The following TRHDE variants were observed in gnomAD, a reference collection of about 807,000 sequenced individuals.
TRHDE encodes the protein thyrotropin releasing hormone degrading enzyme, also known as thyrotropin-releasing hormone-degrading ectoenzyme.
TRHDE carries 72 observed loss-of-function variants against 125.7 expected under a neutral mutation model. The ratio of observed to expected loss-of-function variants is 0.57; its 90% CI spans 0.47 to 0.70. The LOEUF (loss-of-function observed/expected upper bound fraction) is 0.70, where lower values mean the gene tolerates loss of function less well. Among genes scored for constraint, TRHDE ranks in the 30% least tolerant of loss-of-function variants. TRHDE has a pLI of 0.00. For missense variants in TRHDE, 1,110 were observed against 1,327.1 expected, an observed-to-expected ratio of 0.84 and a Z score of 2.54; for synonymous variants, 509 against 509.1, an observed-to-expected ratio of 1.00 and a Z score of 0.00.
intron 2 of TRHDE, among the ~76,000 whole-genome samples, chr12:72,310,187 T>C (rs892967473): frequency 6.6e-6 from 1 of 152,202 alleles, no homozygotes; most frequent in Non-Finnish European, 1.5e-5. Flanking sequence ...ATAACCCCTC[T>C]ATGTCTGACT....
intron 15 of TRHDE, among the ~76,000 whole-genome samples, chr12:72,640,147 A>G (rs1292546306): frequency 2.0e-5 from 3 of 152,176 alleles, no homozygotes; most frequent in African/African-American, 7.2e-5. Flanking sequence ...TGTGCTAGCA[A>G]TCAGCGAGAC....
At chr12:72,138,180 T>A (rs1876029428) in intron 2 of TRHDE, among the ~76,000 whole-genome samples, 1 of 152,060 alleles carries the variant, frequency 6.6e-6, no homozygotes, top group African/African-American at 2.4e-5. Flanking sequence ...ACTGAGACCA[T>A]CCTGGCAAAC....
intron 2 of TRHDE, among the ~76,000 whole-genome samples, chr12:72,229,944 C>T (rs1878214495): frequency 6.6e-6 from 1 of 152,082 alleles, no homozygotes; most frequent in South Asian, 2.1e-4. Context: ...TAACAGTATT[C>T]ATTTTAAGAG....
rs140986011 is a variant in TRHDE at position 72,597,707 on chromosome 12, GTGTA to G, written c.2322-21178_2322-21175del. Among the ~76,000 whole-genome samples, 264 of 47,540 alleles carry G rather than the reference GTGTA, an allele frequency of 5.6e-3. 11 individuals carry two copies. Among genetic ancestry groups the G allele is most frequent in the African/African-American group, 0.034 (196 of 5,832 alleles). The allele number at this position is 47,540 out of a possible 152,430, so 31.2% of individuals were successfully genotyped here. On this transcript the variant is annotated intron_variant, in intron 12 of 18. Coordinates refer to ENST00000261180, the MANE Select transcript of TRHDE (RefSeq NM_013381.3). ...CTAAGAGAGGTATATATATGTGTGT[GTGTA>G]TGTATATATATATATATATATATAT...
intron 2 of TRHDE, among the ~76,000 whole-genome samples, chr12:72,347,815 A>G (rs1481665779): frequency 1.3e-5 from 2 of 152,078 alleles, no homozygotes; most frequent in African/African-American, 2.4e-5. Flanking sequence ...GAGGAATCAC[A>G]GTCTTGTCTA....
Position 72,519,463 on chromosome 12 carries a change from C to T in TRHDE, c.1722+19828C>T, listed in dbSNP as rs542077776. On this transcript the variant is annotated intron_variant, in intron 6 of 18. Coordinates refer to ENST00000261180, the MANE Select transcript of TRHDE (RefSeq NM_013381.3). ...GCTCCTGAGGCTTCTGCATTCTTCA[C>T]GTAGTTCTCGAGCCTTGGTTTTCAG... 2.9e-3 allele frequency among the ~76,000 whole-genome samples: 435 copies of T among 152,246 alleles called. 8 individuals carry two copies. The highest frequency in any genetic ancestry group is 0.026 in the Admixed American group (396 of 15,280).
chr12:72,310,824 AC>A (rs1417775031), intron 2 of TRHDE, among the ~76,000 whole-genome samples: 9 of 151,944 alleles, frequency 5.9e-5, no homozygotes, highest in Non-Finnish European at 1.2e-4. Context: ...GCTTATTCCG[AC>A]CTCTAATGGT....
At chr12:72,123,307 A>G (rs562826169) in intron 2 of TRHDE, among the ~76,000 whole-genome samples, 1 of 152,300 alleles carries the variant, frequency 6.6e-6, no homozygotes, top group East Asian at 1.9e-4. Flanking sequence ...GCTGTGAAAG[A>G]TATGTCAAAA....
chr12:72,351,934 C>T (rs193215366), intron 2 of TRHDE, among the ~76,000 whole-genome samples: 169 of 151,970 alleles, frequency 1.1e-3, no homozygotes, highest in African/African-American at 3.8e-3. Context: ...GACTCATTTG[C>T]TTACCAGCTT....
intron 6 of TRHDE, among the ~76,000 whole-genome samples, chr12:72,528,585 T>C (rs1868388650): frequency 6.6e-6 from 1 of 152,022 alleles, no homozygotes; most frequent in African/African-American, 2.4e-5. Flanking sequence ...ACCTGCCGGG[T>C]TCAAGTAATT....
intron 1 of TRHDE, chr12:72,274,650 A>G (rs1433470054): frequency 1.3e-5 from 2 of 152,266 alleles, no homozygotes; most frequent in African/African-American, 2.4e-5. Context: ...GGTGTGTCAC[A>G]TAGCTTGATC....
At chr12:72,637,573 C>G (rs1335053315) in intron 15 of TRHDE, among the ~76,000 whole-genome samples, 1 of 151,872 alleles carries the variant, frequency 6.6e-6, no homozygotes, top group Non-Finnish European at 1.5e-5. Context: ...TGTTGCTTTT[C>G]TAGTTCTTTT....
intron 2 of TRHDE, among the ~76,000 whole-genome samples, chr12:72,127,046 C>T (rs1227331609): frequency 6.6e-6 from 1 of 152,152 alleles, no homozygotes; most frequent in Non-Finnish European, 1.5e-5. Context: ...AAGACATGAA[C>T]ACTTCTCAAA....
At chr12:72,259,597 A>G (rs1784294998) in intron 2 of TRHDE, among the ~76,000 whole-genome samples, 1 of 152,150 alleles carries the variant, frequency 6.6e-6, no homozygotes, top group African/African-American at 2.4e-5. Flanking sequence ...CATGTCATAT[A>G]TATTTATATA....
intron 6 of TRHDE, among the ~76,000 whole-genome samples, chr12:72,521,751 C>T (rs1374870273): frequency 6.6e-6 from 1 of 152,160 alleles, no homozygotes; most frequent in Non-Finnish European, 1.5e-5. Flanking sequence ...AATGTGCAAA[C>T]ATTTATTGCC....
At chr12:72,513,455 C>CT (rs1180728643) in intron 6 of TRHDE, among the ~76,000 whole-genome samples, 1 of 151,992 alleles carries the variant, frequency 6.6e-6, no homozygotes, top group East Asian at 1.9e-4. Context: ...TTTATGGATT[C>CT]TTTCGTGGGA....
In TRHDE at chr12:72,469,896, A is replaced by G; in HGVS notation, c.1454A>G (p.His485Arg). Residue 485 changes from histidine to arginine, a missense_variant, in exon 4 of 19, where the codon CAT becomes CGT. Physicochemically the swap from His to Arg is conservative, Grantham distance 29 (BLOSUM62 0). Around this residue, in one of 5 missense-constraint regions of TRHDE, gnomAD observed 252 missense variants for 274.8 expected, o/e 0.92. Transcript: ENST00000261180. ...YLLDVTMVIV[H>R]EICHQWFGDL... Reference sequence around the variant, plus strand: ...CTGGATGTCACCATGGTCATTGTTCATGAGATATGTCACCAGGTATGAGAA... The same window carrying G: ...CTGGATGTCACCATGGTCATTGTTCGTGAGATATGTCACCAGGTATGAGAA... 5 of 1,614,058 alleles carry G rather than the reference A, an allele frequency of 3.1e-6. No homozygotes were observed. The highest frequency in any genetic ancestry group is 3.4e-6 in the Non-Finnish European group (4 of 1,179,952).
At chr12:72,367,534 T>C (rs1478885344) in intron 2 of TRHDE, among the ~76,000 whole-genome samples, 1 of 152,036 alleles carries the variant, frequency 6.6e-6, no homozygotes. Flanking sequence ...ATTTCCCTTT[T>C]GCTTAGAAAA....
Position 72,371,407 on chromosome 12 carries a change from A to C in TRHDE, c.1189-6588A>C, listed in dbSNP as rs1032084457. Among the ~76,000 whole-genome samples, 10 of 151,448 alleles carry C rather than the reference A, an allele frequency of 6.6e-5. No homozygotes were observed. The South Asian group carries it at 2.1e-3, about 32-fold the overall frequency. On this transcript the variant is annotated intron_variant, in intron 2 of 18. Transcript: ENST00000261180. ...TTATTTATTTATTTTTATTATTATT[A>C]TACTTTAAGTTTTAGGGTACATGTG...
Sources: allele counts gnomAD v4.1 joint callset (sites outside exome capture counted in the v4.1 genomes callset), GRCh38; gene constraint gnomAD v4.1.1; regional missense constraint gnomAD v4.1.1; transcripts MANE v1.5; gene names NCBI Gene and HGNC (gene_info 2026-07-23, HGNC 2026-07-21).